The following ALMS1 variants were observed in gnomAD, a reference collection of about 807,000 sequenced individuals.
ALMS1 encodes ALMS1 centrosome and basal body associated protein.
A neutral mutation model predicts 352.2 loss-of-function variants in ALMS1; 271 were observed. The ratio of observed to expected loss-of-function variants is 0.77; its 90% CI spans 0.70 to 0.85. The LOEUF (loss-of-function observed/expected upper bound fraction) is 0.85. Ranked by LOEUF, ALMS1 falls within the 40% of genes least tolerant of loss-of-function variation. ALMS1 has a pLI of 0.00. For missense variants in ALMS1, 5,445 were observed against 4,870.7 expected, an observed-to-expected ratio of 1.12 and a Z score of -3.51; for synonymous variants, 1,865 against 1,761.2, an observed-to-expected ratio of 1.06 and a Z score of -1.48.
intron 13 of ALMS1, among the ~76,000 whole-genome samples, chr2:73,551,184 A>G (rs1390235631): frequency 6.6e-6 from 1 of 151,974 alleles, no homozygotes; most frequent in Non-Finnish European, 1.5e-5. Context: ...AATTTTTAAA[A>G]TTTTCCACCA....
At chr2:73,467,376 T>A (rs76264193) in intron 9 of ALMS1, among the ~76,000 whole-genome samples, 2,474 of 152,208 alleles carry the variant, frequency 0.016, 66 homozygotes, top group African/African-American at 0.056. Flanking sequence ...TCAATATCAC[T>A]GCCTGTTTGG....
chr2:73,441,531 G>A (rs1055503213), intron 7 of ALMS1, among the ~76,000 whole-genome samples: 6 of 152,196 alleles, frequency 3.9e-5, no homozygotes, highest in South Asian at 2.1e-4. Flanking sequence ...TGGGCTGCCC[G>A]TTTCTTGGTC....
chr2:73,490,965 G>T lies in ALMS1; in HGVS notation c.9006G>T (p.Lys3002Asn), dbSNP rs753980616. The T allele has an allele frequency of 6.2e-7, 1 of 1,614,128 alleles. No homozygotes were observed. Among genetic ancestry groups the T allele is most frequent in the Admixed American group, 1.7e-5 (1 of 60,020 alleles). The change falls in exon 10 of 23, where the codon AAG (lysine) becomes AAT (asparagine). Residue 3002 changes from lysine (K) to asparagine (N), a missense_variant. By Grantham distance (94) the Lys-to-Asn change is moderately conservative. Coordinates refer to ENST00000613296, the MANE Select transcript of ALMS1 (RefSeq NM_001378454.1). ...TAGTGGAAAAGAATAATCAACATAA[G>T]CCTAAATCACACATTTCTAATATAA... ...DCVVEKNNQH[K>N]PKSHISNINV...
chr2:73,558,767 TTTTC>T (rs1186149751), intron 14 of ALMS1, among the ~76,000 whole-genome samples: 2 of 152,082 alleles, frequency 1.3e-5, no homozygotes, highest in African/African-American at 4.8e-5. Flanking sequence ...CGCTACCTCT[TTTTC>T]TGACTGTTTC....
At chr2:73,426,360 C>T in intron 5 of ALMS1, 93 bp from the exon 6 acceptor site, 1 of 1,245,566 alleles carries the variant, frequency 8.0e-7, no homozygotes, top group Non-Finnish European at 1.2e-6. Context: ...TTGCTGAAAG[C>T]TGATATAGGC....
intron 21 of ALMS1, 77 bp downstream of exon 21, chr2:73,603,381 C>G (rs1265403156): frequency 7.7e-7 from 1 of 1,294,798 alleles, no homozygotes; most frequent in Non-Finnish European, 1.1e-6. Flanking sequence ...GGCTTGCACC[C>G]AGAATAAATG....
intron 8 of ALMS1, 146 bp from the exon 9 acceptor site, chr2:73,455,016 C>A: frequency 1.1e-6 from 1 of 917,566 alleles, no homozygotes. Context: ...TCAAGAATTT[C>A]TAATAGGTTG....
chr2:73,464,955 CA>C (rs1286946151), intron 9 of ALMS1, among the ~76,000 whole-genome samples: 1 of 152,016 alleles, frequency 6.6e-6, no homozygotes, highest in African/African-American at 2.4e-5. Context: ...AGGATACAAA[CA>C]AATGGAAGAA....
intron 16 of ALMS1, among the ~76,000 whole-genome samples, chr2:73,579,972 C>T (rs1395483665): frequency 3.9e-5 from 6 of 151,992 alleles, no homozygotes; most frequent in Non-Finnish European, 8.8e-5. Context: ...TTCCTTCTGC[C>T]CCTTTCTTTC....
chr2:73,559,221 C>G (rs920597590), intron 15 of ALMS1, 79 bp downstream of exon 15: 12 of 1,527,354 alleles, frequency 7.9e-6, no homozygotes, highest in Admixed American at 5.8e-5. Flanking sequence ...CCATTTCATT[C>G]TGATGAGAAT....
chr2:73,419,693 T>G lies in ALMS1; in HGVS notation c.646+375T>G, dbSNP rs571887780. Among the ~76,000 whole-genome samples, 6 of 152,038 alleles carry G rather than the reference T, an allele frequency of 3.9e-5. No individual in the cohort carries two copies. The South Asian group carries it at 1.2e-3, about 32-fold the overall frequency. ...AAAAACAAAAAACAAATGTTCATAT[T>G]TACCTTTTTGATTTTTAGAATTAAT... On this transcript the variant is annotated intron_variant, in intron 3 of 22. Transcript: ENST00000613296.
Position 73,419,264 on chromosome 2 carries a change from TC to T in ALMS1, c.593del (p.Ser198Ter), listed in dbSNP as rs780978683. ...TCTGGAGGAGGGCATATTGACGCAA[TC>T]AGAAAATCAAGTAAAGGAACCCAAC... ...PSLEEGILTQSENQVKEPNRD... is the reference protein window; with the variant it reads ...PSLEEGILTQXENQVKEPNRD... On this transcript the variant is annotated frameshift_variant, in exon 3 of 23. Coordinates refer to ENST00000613296, the MANE Select transcript of ALMS1 (RefSeq NM_001378454.1). LOFTEE classifies it high-confidence loss of function. The T allele has an allele frequency of 6.2e-7, 1 of 1,613,896 alleles. No homozygotes were observed. The highest frequency in any genetic ancestry group is 1.3e-5 in the African/African-American group (1 of 74,908).
chr2:73,601,354 T>C lies in ALMS1; in HGVS notation c.12032T>C (p.Leu4011Pro). The part of the protein sequence containing the change: ...LREQNCQGQH[L>P]DGRGYLAGPG... Reference sequence around the variant, plus strand: ...GAGCAGAACTGTCAGGGGCAGCACCTGGACGGTCGGGGCTACCTGGCAGGC... The same window carrying C: ...GAGCAGAACTGTCAGGGGCAGCACCCGGACGGTCGGGGCTACCTGGCAGGC... Residue 4011 changes from leucine (L) to proline (P), a missense_variant, in exon 19 of 23, where the codon CTG becomes CCG. By Grantham distance (98) the Leu-to-Pro change is moderately conservative. Coordinates refer to ENST00000613296, the MANE Select transcript of ALMS1 (RefSeq NM_001378454.1). 6.2e-7 allele frequency: 1 copy of C among 1,614,216 alleles called. No individual in the cohort carries two copies. The highest frequency in any genetic ancestry group is 2.2e-5 in the East Asian group (1 of 44,876).
chr2:73,397,133 A>G (rs933204120), intron 1 of ALMS1, among the ~76,000 whole-genome samples: 2 of 152,192 alleles, frequency 1.3e-5, no homozygotes, highest in African/African-American at 4.8e-5. Flanking sequence ...GAGGCCCTTC[A>G]TAAGACTGGT....
intron 10 of ALMS1, among the ~76,000 whole-genome samples, chr2:73,511,385 G>A (rs1572985242): frequency 6.6e-6 from 1 of 152,066 alleles, no homozygotes; most frequent in Admixed American, 6.5e-5. Context: ...TATCTGGGCT[G>A]GAACAGTCCT....
intron 13 of ALMS1, 63 bp from the exon 14 acceptor site, chr2:73,557,157 A>G (rs530827006): frequency 6.2e-7 from 1 of 1,606,574 alleles, no homozygotes; most frequent in Admixed American, 1.7e-5. Context: ...GTGGGGGAGG[A>G]TTACTTGTCT....
chr2:73,401,324 A>G (rs1236310547), intron 1 of ALMS1, among the ~76,000 whole-genome samples: 1 of 152,122 alleles, frequency 6.6e-6, no homozygotes, highest in African/African-American at 2.4e-5. Context: ...AAGCTTTGAT[A>G]ATTGATTTCA....
chr2:73,589,341 G>T (rs1171165651), intron 16 of ALMS1, among the ~76,000 whole-genome samples: 1 of 152,152 alleles, frequency 6.6e-6, no homozygotes, highest in Non-Finnish European at 1.5e-5. Context: ...GAAGTATAGT[G>T]AAATAATAGG....
At chr2:73,566,979 G>A (rs993096945) in intron 15 of ALMS1, among the ~76,000 whole-genome samples, 1 of 152,228 alleles carries the variant, frequency 6.6e-6, no homozygotes, top group Non-Finnish European at 1.5e-5. Context: ...GGTGCACAGA[G>A]CTTCCATGTC....
Sources: allele counts gnomAD v4.1 joint callset (sites outside exome capture counted in the v4.1 genomes callset), GRCh38; gene constraint gnomAD v4.1.1; transcripts MANE v1.5; gene names NCBI Gene and HGNC (gene_info 2026-07-23, HGNC 2026-07-21).